The following FBXO11 variants were observed in gnomAD, a reference collection of about 807,000 sequenced individuals.
FBXO11 encodes the protein F-box protein 11, also known as F-box only protein 11.
In FBXO11, 13 loss-of-function variants were observed where a neutral mutation model predicts 117.0. That is an observed-to-expected ratio of 0.11 (90% CI 0.07 to 0.18). FBXO11 has a LOEUF of 0.18. FBXO11 is among the 10% of genes least tolerant of loss of function. The probability of loss-of-function intolerance (pLI) is 1.00; values close to 1 mark genes in which losing one functional copy is unlikely to be tolerated. For synonymous variants in FBXO11, 490 were observed against 380.5 expected (o/e 1.29, Z -3.35); for missense variants, 767 against 1,164.4 (o/e 0.66, Z 4.97).
At position 47,830,515 on chromosome 2, in the gene FBXO11, A is replaced by T. The variant is rs374412948; in HGVS notation, c.1398+1834T>A. 5.3e-5 allele frequency among the ~76,000 whole-genome samples: 8 copies of T among 152,310 alleles called. No individual in the cohort carries two copies. In the East Asian group the frequency reaches 1.5e-3, roughly 29 times the overall value. On this transcript the variant is annotated intron_variant, in intron 11 of 22. Transcript: ENST00000403359. ...AATAAAGAATAAATATAGACCAATA[A>T]CTGTAGGAATGCAAATATTTTAAAC...
chr2:47,866,129 G>A (rs1675175484), intron 1 of FBXO11, among the ~76,000 whole-genome samples: 1 of 151,176 alleles, frequency 6.6e-6, no homozygotes, highest in African/African-American at 2.4e-5. Flanking sequence ...CACAACTGTA[G>A]CAGCTACTTG....
At chr2:47,842,981 T>G (rs1333173206) in intron 1 of FBXO11, among the ~76,000 whole-genome samples, 2 of 152,106 alleles carry the variant, frequency 1.3e-5, no homozygotes, top group Non-Finnish European at 2.9e-5. Context: ...ACACAAGGTC[T>G]CACCATGTTG....
In FBXO11 at chr2:47,833,215, C is replaced by T. The variant is rs574260288; in HGVS notation, c.935-145G>A. 3.3e-5 allele frequency: 20 copies of T among 612,204 alleles called. No homozygotes were observed. The African/African-American group carries it at 3.5e-4, about 11-fold the overall frequency. The allele number at this position is 612,204 out of a possible 1,614,324, so 37.9% of individuals were successfully genotyped here. On this transcript the variant is annotated intron_variant, in intron 7 of 22. Transcript: ENST00000403359. Reference sequence around the variant, plus strand: ...CAGTTAACTATGTTTCATCATCAGCCTTTGCTATATTCAAATCCATGCACA... The same window carrying T: ...CAGTTAACTATGTTTCATCATCAGCTTTTGCTATATTCAAATCCATGCACA...
At chr2:47,828,503 G>A (rs1440092226) in intron 11 of FBXO11, among the ~76,000 whole-genome samples, 1 of 151,920 alleles carries the variant, frequency 6.6e-6, no homozygotes, top group Non-Finnish European at 1.5e-5. Flanking sequence ...ACCTACTCGG[G>A]AGACTGAGAC....
At chr2:47,839,069 G>C in intron 3 of FBXO11, 66 bp from the exon 4 acceptor site, 2 of 1,467,940 alleles carry the variant, frequency 1.4e-6, no homozygotes, top group Non-Finnish European at 9.2e-7. Flanking sequence ...AAAGAACACA[G>C]TTTTCATTTT....
At chr2:47,831,076 G>T (rs1450708511) in intron 11 of FBXO11, among the ~76,000 whole-genome samples, 1 of 151,806 alleles carries the variant, frequency 6.6e-6, no homozygotes, top group Non-Finnish European at 1.5e-5. Flanking sequence ...TGGGATTACA[G>T]GTGTGAGCCA....
chr2:47,866,737 G>A (rs1435586898), intron 1 of FBXO11, among the ~76,000 whole-genome samples: 2 of 152,138 alleles, frequency 1.3e-5, no homozygotes, highest in Non-Finnish European at 2.9e-5. Context: ...CTCCCAAAGT[G>A]CTGGGATTAC....
chr2:47,899,755 T>C (rs1338213504), intron 1 of FBXO11, among the ~76,000 whole-genome samples: 1 of 152,214 alleles, frequency 6.6e-6, no homozygotes, highest in South Asian at 2.1e-4. Flanking sequence ...GATAAGAATA[T>C]ATTTCAAAGG....
intron 1 of FBXO11, among the ~76,000 whole-genome samples, chr2:47,896,328 T>C (rs1490110131): frequency 6.9e-6 from 1 of 144,868 alleles, no homozygotes; most frequent in East Asian, 1.9e-4. Flanking sequence ...ATTGTTTCTT[T>C]TCTTTTTTTT....
chr2:47,901,405 T>A (rs943150357), intron 1 of FBXO11, among the ~76,000 whole-genome samples: 3 of 151,908 alleles, frequency 2.0e-5, no homozygotes, highest in Non-Finnish European at 4.4e-5. Flanking sequence ...AATACATCTA[T>A]TTTCAAAAAC....
At chr2:47,824,554 C>T (rs1011356986) in intron 11 of FBXO11, among the ~76,000 whole-genome samples, 1 of 152,132 alleles carries the variant, frequency 6.6e-6, no homozygotes, top group Non-Finnish European at 1.5e-5. Flanking sequence ...AAAAAGTTCA[C>T]CTTAGCCCAT....
chr2:47,860,448 T>C (rs143408938), intron 1 of FBXO11, among the ~76,000 whole-genome samples: 1 of 151,240 alleles, frequency 6.6e-6, no homozygotes, highest in African/African-American at 2.4e-5. Flanking sequence ...TCTGGCTCTG[T>C]CGCCCAGAGT....
At chr2:47,810,290 C>A (rs774322162) in intron 19 of FBXO11, 26 bp downstream of exon 19, 1 of 1,461,986 alleles carries the variant, frequency 6.8e-7, no homozygotes, top group East Asian at 2.3e-5. Flanking sequence ...ATATATAAGC[C>A]ACAGGTAAGA....
intron 1 of FBXO11, among the ~76,000 whole-genome samples, chr2:47,858,081 GA>G (rs952311736): frequency 2.1e-4 from 31 of 150,558 alleles, no homozygotes; most frequent in South Asian, 8.4e-4. Context: ...GCGTAAACTA[GA>G]AAAAAAAATA....
rs1190653939 is a variant in FBXO11, at chr2:47,838,875, T to G, written c.571A>C (p.Asn191His). Residue 191 changes from asparagine to histidine, a missense_variant, in exon 4 of 23, where the codon AAT becomes CAT. By Grantham distance (68) the Asn-to-His change is moderately conservative. Transcript: ENST00000403359. ...CVCKRFSELA[N>H]DPILWKRLYM... ...TTTACTTACCACAAAATTGGATCATTAGCAAGTTCACTGAAGCGTTTACAT... is the reference window on the plus strand; with the variant it reads ...TTTACTTACCACAAAATTGGATCATGAGCAAGTTCACTGAAGCGTTTACAT... 6.2e-7 allele frequency: 1 copy of G among 1,613,664 alleles called. No homozygotes were observed. Among genetic ancestry groups the G allele is most frequent in the East Asian group, 2.2e-5 (1 of 44,848 alleles).
At chr2:47,819,135 G>A (rs920614544) in intron 14 of FBXO11, 57 bp from the exon 15 acceptor site, 2 of 1,562,186 alleles carry the variant, frequency 1.3e-6, no homozygotes, top group African/African-American at 2.7e-5. Context: ...GGCGTTTATA[G>A]TCTGTTACCC....
At chr2:47,821,170 T>C (rs1671350953) in intron 13 of FBXO11, among the ~76,000 whole-genome samples, 2 of 152,222 alleles carry the variant, frequency 1.3e-5, no homozygotes, top group South Asian at 4.1e-4. Flanking sequence ...TACCACAGAA[T>C]AATCTTTATT....
At chr2:47,869,303 G>C (rs1366424005) in intron 1 of FBXO11, among the ~76,000 whole-genome samples, 2 of 152,162 alleles carry the variant, frequency 1.3e-5, no homozygotes, top group Non-Finnish European at 2.9e-5. Context: ...GATTTCACTG[G>C]AAGTTAAGAC....
At chr2:47,853,011 A>G (rs1165598358) in intron 1 of FBXO11, among the ~76,000 whole-genome samples, 14 of 152,170 alleles carry the variant, frequency 9.2e-5, no homozygotes. Context: ...TTAGGAGTAT[A>G]TTAGCCTATA....
Sources: gnomAD v4.1 joint callset for allele counts (sites outside exome capture counted in the v4.1 genomes callset) on GRCh38, gnomAD v4.1.1 for gene constraint, MANE v1.5 for transcripts, NCBI Gene and HGNC (gene_info 2026-07-23, HGNC 2026-07-21) for gene names.